Variants in LCMT1 observed in about 807,000 individuals in gnomAD.
The protein encoded by LCMT1 is leucine carboxyl methyltransferase 1.
LCMT1 carries 32 observed loss-of-function variants against 47.7 expected under a neutral mutation model. The observed-to-expected ratio is 0.67, with a 90% CI of 0.51 to 0.90. The LOEUF (loss-of-function observed/expected upper bound fraction) is 0.90. Ranked by LOEUF, LCMT1 falls within the 40% of genes least tolerant of loss-of-function variation. The pLI is 0.00. For missense variants in LCMT1, 375 were observed against 415.2 expected, an observed-to-expected ratio of 0.90 and a Z score of 0.84; for synonymous variants, 152 against 149.7, an observed-to-expected ratio of 1.02 and a Z score of -0.11.
In LCMT1 at chr16:25,111,747, T is replaced by G. The variant is rs1484403412; in HGVS notation, c.-137T>G. On this transcript the variant is annotated 5_prime_UTR_variant, in exon 1 of 11. Transcript: ENST00000399069. ...GGGTAGCCGGCGTGGGCGGCGTCACTGAGCCGCGCCAGCTGAGCCAGGTAG... is the reference window on the plus strand; with the variant it reads ...GGGTAGCCGGCGTGGGCGGCGTCACGGAGCCGCGCCAGCTGAGCCAGGTAG... 1 of 626,786 alleles carries G rather than the reference T, an allele frequency of 1.6e-6. No homozygotes were observed. The highest frequency in any genetic ancestry group is 2.8e-5 in the East Asian group (1 of 35,632). The allele number at this position is 626,786 out of a possible 1,614,324, so 38.8% of individuals were successfully genotyped here.
intron 3 of LCMT1, among the ~76,000 whole-genome samples, chr16:25,139,505 G>A (rs12927238): frequency 0.089 from 13,471 of 151,092 alleles, 712 homozygotes; most frequent in Admixed American, 0.14. Flanking sequence ...GTGAGACTCC[G>A]TCTCAAAAAA....
chr16:25,128,112 A>G (rs1417186769), intron 1 of LCMT1, among the ~76,000 whole-genome samples: 1 of 152,186 alleles, frequency 6.6e-6, no homozygotes, highest in East Asian at 1.9e-4. Flanking sequence ...ATTTAGTGGA[A>G]TTAACTGACT....
chr16:25,137,534 T>C (rs1047577274), intron 3 of LCMT1, among the ~76,000 whole-genome samples: 1 of 151,994 alleles, frequency 6.6e-6, no homozygotes, highest in Admixed American at 6.6e-5. Flanking sequence ...AGCCTCCTCC[T>C]CCCAGGCTCA....
At chr16:25,120,276 T>C (rs951059954) in intron 1 of LCMT1, among the ~76,000 whole-genome samples, 3 of 151,482 alleles carry the variant, frequency 2.0e-5, no homozygotes, top group Non-Finnish European at 2.9e-5. Flanking sequence ...CAGGCTGGAG[T>C]GCAGTGGTGC....
chr16:25,141,638 T>G (rs908315724), intron 4 of LCMT1: 1 of 152,332 alleles, frequency 6.6e-6, no homozygotes, highest in East Asian at 1.9e-4. Flanking sequence ...ATTACAGGCA[T>G]GAACCATTGT....
intron 1 of LCMT1, among the ~76,000 whole-genome samples, chr16:25,122,047 G>A (rs190778441): frequency 2.4e-4 from 37 of 152,298 alleles, no homozygotes; most frequent in Non-Finnish European, 4.6e-4. Flanking sequence ...GCACATGTGT[G>A]TGAATTTTCT....
intron 4 of LCMT1, chr16:25,146,468 C>T (rs1960860753): frequency 6.6e-6 from 1 of 152,336 alleles, no homozygotes; most frequent in Admixed American, 6.5e-5. Flanking sequence ...CACATTGGCT[C>T]CATCCAAGGT....
At chr16:25,112,117 CCTCG>C in intron 1 of LCMT1, 121 bp downstream of exon 1, 1 of 721,588 alleles carries the variant, frequency 1.4e-6, no homozygotes, top group Non-Finnish European at 2.5e-6. Flanking sequence ...CTCGCACGAC[CCTCG>C]CTTCCCACCT....
At chr16:25,128,318 G>A (rs1015501787) in intron 1 of LCMT1, among the ~76,000 whole-genome samples, 157 bp from the exon 2 acceptor site, 4 of 152,338 alleles carry the variant, frequency 2.6e-5, no homozygotes, top group South Asian at 4.1e-4. Flanking sequence ...CTGCGTCTTC[G>A]CTTGTGTAAC....
chr16:25,148,554 C>G (rs1438515105), intron 4 of LCMT1, among the ~76,000 whole-genome samples: 1 of 152,126 alleles, frequency 6.6e-6, no homozygotes, highest in Non-Finnish European at 1.5e-5. Context: ...GCACGGGTGT[C>G]TGTTCAGTTC....
chr16:25,134,032 T>TA (rs781659291), intron 3 of LCMT1, among the ~76,000 whole-genome samples: 7,167 of 126,142 alleles, frequency 0.057, 211 homozygotes, highest in East Asian at 0.13. Context: ...CTTCGTCTCT[T>TA]AAAAAAAAAA....
At chr16:25,176,582 A>C (rs578003804) in intron 10 of LCMT1, among the ~76,000 whole-genome samples, 50 of 25,386 alleles carry the variant, frequency 2.0e-3, no homozygotes, top group Non-Finnish European at 2.6e-3. Context: ...TTTTTTTTTG[A>C]GATGGAGTCT....
intron 1 of LCMT1, among the ~76,000 whole-genome samples, chr16:25,125,161 A>G (rs1016949414): frequency 1.1e-4 from 17 of 152,234 alleles, no homozygotes; most frequent in African/African-American, 4.1e-4. Context: ...GACAGGCAGA[A>G]CTAGATGCAC....
At chr16:25,168,630 G>A (rs540095695) in intron 7 of LCMT1, among the ~76,000 whole-genome samples, 12 of 152,192 alleles carry the variant, frequency 7.9e-5, no homozygotes, top group Non-Finnish European at 1.2e-4. Flanking sequence ...TTTCCTTGAA[G>A]ACAGATGGGC....
intron 5 of LCMT1, chr16:25,160,863 G>A (rs780993312): frequency 1.3e-5 from 8 of 624,052 alleles, no homozygotes; most frequent in Non-Finnish European, 1.8e-5. Flanking sequence ...GAGAGGGGAT[G>A]TGTTTTTGTT....
At chr16:25,148,891 G>A (rs756841064) in intron 4 of LCMT1, 1 of 152,254 alleles carries the variant, frequency 6.6e-6, no homozygotes, top group Non-Finnish European at 1.5e-5. Context: ...GCTTTTAGTT[G>A]GGGGCTTGTG....
Position 25,111,906 on chromosome 16 carries a change from C to T in LCMT1, c.23C>T (p.Ser8Phe). The change falls in exon 1 of 11, where the codon TCC becomes TTC. Residue 8 changes from serine (S) to phenylalanine (F), a missense_variant. Transcript: ENST00000399069. MATRQRE[S>F]SITSCCSTSS... is the part of the protein sequence containing the mutation. Reference sequence around the variant, plus strand: ...CCCATGGCCACTAGGCAGAGGGAATCCTCTATCACCTCCTGCTGTTCCACC... The same window carrying T: ...CCCATGGCCACTAGGCAGAGGGAATTCTCTATCACCTCCTGCTGTTCCACC... The T allele has an allele frequency of 3.1e-6, 5 of 1,613,024 alleles. No homozygotes were observed. In the South Asian group the frequency reaches 4.4e-5, roughly 14 times the overall value.
At chr16:25,122,824 T>C (rs1207511895) in intron 1 of LCMT1, among the ~76,000 whole-genome samples, 1 of 152,012 alleles carries the variant, frequency 6.6e-6, no homozygotes, top group Admixed American at 6.6e-5. Context: ...TAAATCTTTT[T>C]TTCTTTTTTT....
At chr16:25,162,487 G>A (rs544716745) in intron 6 of LCMT1, among the ~76,000 whole-genome samples, 222 of 151,756 alleles carry the variant, frequency 1.5e-3, no homozygotes, top group African/African-American at 5.1e-3. Flanking sequence ...TACTCAGGAG[G>A]CTGAGGCAGG....
Sources: gnomAD v4.1 joint callset for allele counts (sites outside exome capture counted in the v4.1 genomes callset) on GRCh38, gnomAD v4.1.1 for gene constraint, MANE v1.5 for transcripts, NCBI Gene and HGNC (gene_info 2026-07-23, HGNC 2026-07-21) for gene names.